The following PAX5 variants were observed in gnomAD, a reference collection of about 807,000 sequenced individuals.
The protein encoded by PAX5 is paired box protein Pax-5.
Under a neutral mutation model 43.7 loss-of-function variants are expected in PAX5, and 9 were observed. The observed-to-expected ratio is 0.21, with a 90% CI of 0.12 to 0.36. PAX5 has a LOEUF of 0.36. Ranked by LOEUF, PAX5 falls within the 10% of genes least tolerant of loss-of-function variation. The probability of loss-of-function intolerance (pLI) is 1.00; values close to 1 mark genes in which losing one functional copy is unlikely to be tolerated. For missense variants in PAX5, 383 were observed against 532.7 expected (o/e 0.72, Z 2.77); for synonymous variants, 228 against 214.3 (o/e 1.06, Z -0.56).
At chr9:36,859,038 A>G (rs887956695) in intron 8 of PAX5, among the ~76,000 whole-genome samples, 1 of 152,092 alleles carries the variant, frequency 6.6e-6, no homozygotes, top group African/African-American at 2.4e-5. Flanking sequence ...ACCAGACAAG[A>G]TTTACCTCCA....
rs1253164265 is a variant in PAX5, at chr9:36,992,808, T to C, written c.604+9840A>G. Among the ~76,000 whole-genome samples the C allele has an allele frequency of 2.0e-5, 3 of 152,236 alleles. No individual in the cohort carries two copies. The East Asian group carries it at 5.8e-4, about 29-fold the overall frequency. ...GTGATAAGTAGGCAAGTTCAGACTT[T>C]GCAGCAGCCTGAAGCAGAAATTTTC... On this transcript the variant is annotated intron_variant, in intron 5 of 9. Transcript: ENST00000358127.
At chr9:36,952,375 G>T (rs557200736) in intron 6 of PAX5, among the ~76,000 whole-genome samples, 1 of 151,380 alleles carries the variant, frequency 6.6e-6, no homozygotes, top group South Asian at 2.1e-4. Context: ...AAGTAGCTGG[G>T]ATTACAGGCA....
chr9:36,933,467 T>C (rs928641793), intron 6 of PAX5, among the ~76,000 whole-genome samples: 1 of 152,180 alleles, frequency 6.6e-6, no homozygotes, highest in Non-Finnish European at 1.5e-5. Context: ...AGGTCCGTGG[T>C]GCCCCGGGAG....
At chr9:36,950,684 A>G (rs1832919147) in intron 6 of PAX5, among the ~76,000 whole-genome samples, 1 of 149,506 alleles carries the variant, frequency 6.7e-6, no homozygotes, top group Non-Finnish European at 1.5e-5. Context: ...TTCCTTCTCC[A>G]CAGGAGCCCT....
chr9:36,915,361 T>C (rs184870338), intron 7 of PAX5, among the ~76,000 whole-genome samples: 129 of 152,360 alleles, frequency 8.5e-4, no homozygotes, highest in Non-Finnish European at 1.6e-3. Context: ...TCTCATACTA[T>C]CTCCAACACT....
rs150592148 is a variant in PAX5, at chr9:36,970,788, A to C, written c.605-4064T>G. Among the ~76,000 whole-genome samples the C allele has an allele frequency of 3.1e-3, 465 of 152,198 alleles. 4 individuals are homozygous for C. The highest frequency in any genetic ancestry group is 0.011 in the African/African-American group (444 of 41,504). On this transcript the variant is annotated intron_variant, in intron 5 of 9. Transcript: ENST00000358127. The stretch of plus-strand genomic sequence containing the variant: ...CTCCTCCTCCAGGATGCCTTCCTTC[A>C]TGCCCCAGCTGGTCCTCCAGCTCCC...
At chr9:36,847,963 C>T (rs925050320) in intron 8 of PAX5, among the ~76,000 whole-genome samples, 4 of 152,178 alleles carry the variant, frequency 2.6e-5, no homozygotes, top group African/African-American at 9.7e-5. Flanking sequence ...GCCAGGTGCC[C>T]AGTACCCGGC....
chr9:36,834,010 T>C lies in PAX5; in HGVS notation c.*6550A>G, dbSNP rs1401243493. 4.3e-6 allele frequency: 1 copy of C among 233,134 alleles called. No homozygotes were observed. The highest frequency in any genetic ancestry group is 8.5e-6 in the Non-Finnish European group (1 of 117,976). The allele number at this position is 233,134 out of a possible 1,614,324, so 14.4% of individuals were successfully genotyped here. On this transcript the variant is annotated 3_prime_UTR_variant, in exon 10 of 10. Coordinates refer to ENST00000358127, the MANE Select transcript of PAX5 (RefSeq NM_016734.3). Reference sequence around the variant, plus strand: ...CTCAAAGAATTAAAAGCAAAATGCATGTGTCTTCCTGGCAAAGGTTTCCAT... The same window carrying C: ...CTCAAAGAATTAAAAGCAAAATGCACGTGTCTTCCTGGCAAAGGTTTCCAT...
At chr9:36,973,135 AAAAGGAAAGGAAAGG>A (rs1197914196) in intron 5 of PAX5, among the ~76,000 whole-genome samples, 2 of 74,728 alleles carry the variant, frequency 2.7e-5, no homozygotes, top group African/African-American at 6.3e-5. Context: ...GAAAGGAAAG[AAAAGGAAAGGAAAGG>A]AAAGGAAAGG....
intron 5 of PAX5, among the ~76,000 whole-genome samples, chr9:36,974,549 C>T (rs1835261685): frequency 6.6e-6 from 1 of 152,114 alleles, no homozygotes; most frequent in Admixed American, 6.5e-5. Context: ...GGATTTGTAC[C>T]TAGGTCTCTT....
intron 7 of PAX5, among the ~76,000 whole-genome samples, chr9:36,912,155 G>A (rs1032861143): frequency 1.3e-5 from 2 of 152,242 alleles, no homozygotes; most frequent in African/African-American, 4.8e-5. Flanking sequence ...TCCCCACGTA[G>A]AGAGCTGTCG....
intron 8 of PAX5, among the ~76,000 whole-genome samples, chr9:36,874,234 T>C (rs1290994164): frequency 6.6e-6 from 1 of 152,220 alleles, no homozygotes; most frequent in Admixed American, 6.5e-5. Flanking sequence ...GTGGTCACAC[T>C]GCTAATAATG....
intron 6 of PAX5, among the ~76,000 whole-genome samples, chr9:36,943,607 G>T (rs893614232): frequency 1.3e-5 from 2 of 150,214 alleles, no homozygotes; most frequent in South Asian, 2.1e-4. Context: ...AGAAAAGAAG[G>T]CCTAAGGATC....
At chr9:36,890,273 G>A (rs1406265983) in intron 7 of PAX5, among the ~76,000 whole-genome samples, 1 of 152,124 alleles carries the variant, frequency 6.6e-6, no homozygotes, top group Non-Finnish European at 1.5e-5. Context: ...TGAGAGGTGG[G>A]GGCGGGATCC....
chr9:37,013,704 C>T (rs750064314), intron 3 of PAX5, among the ~76,000 whole-genome samples: 1 of 152,138 alleles, frequency 6.6e-6, no homozygotes, highest in Non-Finnish European at 1.5e-5. Flanking sequence ...CAGAACCCCA[C>T]CCTGGACAAA....
At position 36,836,523 on chromosome 9, in the gene PAX5, A is replaced by T. The variant is rs1474522246; in HGVS notation, c.*4037T>A. The T allele has an allele frequency of 4.3e-6, 1 of 232,978 alleles. No homozygotes were observed. Among genetic ancestry groups the T allele is most frequent in the African/African-American group, 2.2e-5 (1 of 45,314 alleles). The allele number at this position is 232,978 out of a possible 1,614,324, so 14.4% of individuals were successfully genotyped here. A position where few individuals can be genotyped will look rare whatever the true frequency, so the allele number is the denominator to read the frequency against. ...TCTTTAGGCCGACAGAAAATTTTAC[A>T]AGTTTTCATACTTGAATGCCACTCA... is the stretch of plus-strand genomic sequence containing the variant. On this transcript the variant is annotated 3_prime_UTR_variant, in exon 10 of 10. Transcript: ENST00000358127.
intron 7 of PAX5, among the ~76,000 whole-genome samples, chr9:36,900,602 G>A (rs896158509): frequency 6.6e-6 from 1 of 152,164 alleles, no homozygotes; most frequent in African/African-American, 2.4e-5. Context: ...TGGCGGGAGT[G>A]TCAATCACCA....
At chr9:36,867,164 C>G (rs1824975072) in intron 8 of PAX5, among the ~76,000 whole-genome samples, 1 of 152,118 alleles carries the variant, frequency 6.6e-6, no homozygotes. Context: ...GAGTTCTTCT[C>G]TACCCAGGAA....
At chr9:36,868,446 C>G (rs1825113065) in intron 8 of PAX5, among the ~76,000 whole-genome samples, 1 of 152,180 alleles carries the variant, frequency 6.6e-6, no homozygotes, top group Non-Finnish European at 1.5e-5. Flanking sequence ...CCGGGGGGTG[C>G]ACACAGTGGG....
Sources: gnomAD v4.1 joint callset for allele counts (sites outside exome capture counted in the v4.1 genomes callset) on GRCh38, gnomAD v4.1.1 for gene constraint, MANE v1.5 for transcripts, NCBI Gene and HGNC (gene_info 2026-07-23, HGNC 2026-07-21) for gene names.